The following FRMPD4 variants were observed in gnomAD, a reference collection of about 807,000 sequenced individuals.
FRMPD4 encodes the protein FERM and PDZ domain containing 4.
In FRMPD4, 22 loss-of-function variants were observed where a neutral mutation model predicts 94.1. That is an observed-to-expected ratio of 0.23 (90% CI 0.17 to 0.33). The LOEUF (loss-of-function observed/expected upper bound fraction) is 0.33. Among genes scored for constraint, FRMPD4 ranks in the 10% least tolerant of loss-of-function variants. The pLI, the probability that FRMPD4 is intolerant of heterozygous loss-of-function variation, is 1.00. For synonymous variants in FRMPD4, 631 were observed against 548.6 expected (o/e 1.15, Z -2.10); for missense variants, 1,111 against 1,339.9 (o/e 0.83, Z 2.67).
intron 1 of FRMPD4, among the ~76,000 whole-genome samples, chrX:11,848,890 C>T (rs1431416116): frequency 1.8e-5 from 2 of 111,627 alleles, no homozygotes. Flanking sequence ...CTTCTAAGAT[C>T]AGGAAGAAGA....
chrX:11,903,764 A>G (rs2053951707), intron 3 of FRMPD4, among the ~76,000 whole-genome samples: 1 of 111,422 alleles, frequency 9.0e-6, no homozygotes, highest in African/African-American at 3.3e-5. Flanking sequence ...TTGATTTCTA[A>G]TATGTCCTGC....
At chrX:12,426,915 C>G (rs2056952579) in intron 1 of FRMPD4, among the ~76,000 whole-genome samples, 2 of 109,077 alleles carry the variant, frequency 1.8e-5, no homozygotes, top group Admixed American at 2.0e-4. Context: ...AGAATCCTGG[C>G]TCTATTACTA....
intron 1 of FRMPD4, among the ~76,000 whole-genome samples, chrX:12,482,028 A>G (rs2057693080): frequency 9.5e-6 from 1 of 105,647 alleles, no homozygotes; most frequent in African/African-American, 3.4e-5. Flanking sequence ...TTCATTAAGT[A>G]GAAGTGAATC....
rs187288857 is a variant in FRMPD4, at chrX:12,022,159, G to A, written c.95+144141G>A. ...TGATGCCTAATCAATAGTTGGTACA[G>A]TATGTATGTTTAAATGAAAAAAATT... is the stretch of plus-strand genomic sequence containing the variant. On this transcript the variant is annotated intron_variant, in intron 3 of 18. Transcript: ENST00000640291. Among the ~76,000 whole-genome samples the A allele has an allele frequency of 2.5e-3, 279 of 112,628 alleles. 1 individual carries two copies. Among genetic ancestry groups the A allele is most frequent in the African/African-American group, 7.8e-3 (243 of 31,026 alleles).
At chrX:12,540,421 A>G (rs1226666215) in intron 2 of FRMPD4, among the ~76,000 whole-genome samples, 1 of 111,752 alleles carries the variant, frequency 8.9e-6, no homozygotes, top group Non-Finnish European at 1.9e-5. Flanking sequence ...GAACACAAAA[A>G]AAGGCAGGGA....
intron 3 of FRMPD4, among the ~76,000 whole-genome samples, chrX:12,013,335 T>C (rs5935226): frequency 0.012 from 1,306 of 111,880 alleles, 5 homozygotes; most frequent in South Asian, 0.017. Flanking sequence ...TCAAGCCCTT[T>C]GTATTCATGT....
At chrX:11,892,656 A>G (rs1205963453) in intron 3 of FRMPD4, among the ~76,000 whole-genome samples, 1 of 112,533 alleles carries the variant, frequency 8.9e-6, no homozygotes, top group Non-Finnish European at 1.9e-5. Flanking sequence ...TTCACAGTTC[A>G]AGAAAGGGCA....
chrX:11,969,548 C>T (rs2054329183), intron 3 of FRMPD4, among the ~76,000 whole-genome samples: 1 of 111,895 alleles, frequency 8.9e-6, no homozygotes, highest in Non-Finnish European at 1.9e-5. Context: ...AGGGGGTTGA[C>T]TTGCAGCTTG....
intron 14 of FRMPD4, among the ~76,000 whole-genome samples, chrX:12,713,811 T>C (rs2042032319): frequency 8.9e-6 from 1 of 112,021 alleles, no homozygotes; most frequent in Non-Finnish European, 1.9e-5. Flanking sequence ...CAGTAGACCC[T>C]TCTGGAAGGA....
At chrX:12,600,774 T>C (rs1403535067) in intron 2 of FRMPD4, among the ~76,000 whole-genome samples, 1 of 112,209 alleles carries the variant, frequency 8.9e-6, no homozygotes, top group Non-Finnish European at 1.9e-5. Context: ...TACTACTCCA[T>C]TGTTGTATAT....
At chrX:12,237,595 G>A (rs1192493351) in intron 1 of FRMPD4, among the ~76,000 whole-genome samples, 2 of 112,016 alleles carry the variant, frequency 1.8e-5, no homozygotes. Flanking sequence ...TAATCCTGAG[G>A]ATTTCTGGAA....
intron 1 of FRMPD4, among the ~76,000 whole-genome samples, chrX:12,358,796 G>T (rs1292251574): frequency 1.8e-5 from 2 of 111,876 alleles, no homozygotes; most frequent in Non-Finnish European, 3.8e-5. Flanking sequence ...CTGGATGTCT[G>T]TAAGAACAAG....
chrX:12,705,303 T>C (rs755100892), intron 11 of FRMPD4, among the ~76,000 whole-genome samples: 50 of 111,848 alleles, frequency 4.5e-4, no homozygotes, highest in Non-Finnish European at 3.8e-4. Flanking sequence ...AGCAAAGGAT[T>C]CCAGGAACCA....
intron 2 of FRMPD4, among the ~76,000 whole-genome samples, chrX:12,508,024 G>C: frequency 8.9e-6 from 1 of 112,010 alleles, no homozygotes; most frequent in Non-Finnish European, 1.9e-5. Flanking sequence ...TTATTAGGAA[G>C]GTGAAAATTA....
intron 3 of FRMPD4, among the ~76,000 whole-genome samples, chrX:11,942,647 T>G (rs1005921442): frequency 8.9e-6 from 1 of 111,939 alleles, no homozygotes; most frequent in African/African-American, 3.2e-5. Flanking sequence ...TTCCACAATG[T>G]TGGTCTCTTA....
intron 3 of FRMPD4, among the ~76,000 whole-genome samples, chrX:12,013,254 T>G (rs1225970397): frequency 1.8e-5 from 2 of 112,230 alleles, no homozygotes; most frequent in Non-Finnish European, 3.8e-5. Flanking sequence ...AAACAGGTTT[T>G]ATTGTACCTT....
chrX:12,615,183 A>G lies in FRMPD4; in HGVS notation c.422+302A>G, dbSNP rs146075343. 4.9e-3 allele frequency among the ~76,000 whole-genome samples: 547 copies of G among 112,420 alleles called. 4 individuals carry two copies. Among genetic ancestry groups the G allele is most frequent in the African/African-American group, 0.016 (507 of 30,958 alleles). ...TTTTTCCTTCCAGAATTACTAACAC[A>G]TTGATTTTTCATAATCAGGGAGATC... On this transcript the variant is annotated intron_variant, in intron 4 of 16. Transcript: ENST00000675598.
intron 3 of FRMPD4, among the ~76,000 whole-genome samples, chrX:12,002,702 C>T (rs1397065772): frequency 1.8e-5 from 2 of 111,714 alleles, no homozygotes; most frequent in African/African-American, 6.5e-5. Flanking sequence ...AAGAAGGAAT[C>T]CCCTGAGTTG....
At chrX:11,965,258 G>A (rs1268266682) in intron 3 of FRMPD4, among the ~76,000 whole-genome samples, 1 of 112,077 alleles carries the variant, frequency 8.9e-6, no homozygotes, top group Non-Finnish European at 1.9e-5. Flanking sequence ...CTTCCAAGAG[G>A]ACAGGTCTAC....
Sources: allele counts gnomAD v4.1 joint callset (sites outside exome capture counted in the v4.1 genomes callset), GRCh38; gene constraint gnomAD v4.1.1; transcripts MANE v1.5; gene names NCBI Gene and HGNC (gene_info 2026-07-23, HGNC 2026-07-21).